Variants in VPS13B observed in about 807,000 individuals in gnomAD.
VPS13B encodes the protein vacuolar protein sorting 13 homolog B.
Under a neutral mutation model 426.4 loss-of-function variants are expected in VPS13B, and 285 were observed. The observed-to-expected ratio is 0.67, with a 90% CI of 0.61 to 0.74. The LOEUF (loss-of-function observed/expected upper bound fraction) is 0.74. VPS13B is among the 30% of genes least tolerant of loss of function. The pLI is 0.00. For synonymous variants in VPS13B, 1,676 were observed against 1,676.4 expected, an observed-to-expected ratio of 1.00 and a Z score of 0.01; for missense variants, 4,537 against 4,782.6, an observed-to-expected ratio of 0.95 and a Z score of 1.51.
intron 19 of VPS13B, among the ~76,000 whole-genome samples, chr8:99,281,498 A>G (rs1819168414): frequency 6.6e-6 from 1 of 152,232 alleles, no homozygotes; most frequent in African/African-American, 2.4e-5. Flanking sequence ...GTTATAAAAC[A>G]TTTGGTTCCT....
At chr8:99,141,372 A>T (rs904127884) in intron 12 of VPS13B, among the ~76,000 whole-genome samples, 1 of 152,190 alleles carries the variant, frequency 6.6e-6, no homozygotes, top group African/African-American at 2.4e-5. Flanking sequence ...GAGTCTTGTT[A>T]TACAGTGACA....
chr8:99,622,423 A>G (rs557874625), intron 33 of VPS13B, among the ~76,000 whole-genome samples: 1 of 152,308 alleles, frequency 6.6e-6, no homozygotes, highest in South Asian at 2.1e-4. Context: ...TGGTAAGTGG[A>G]AAGCAAGCAG....
chr8:99,399,694 A>T (rs1273343323), intron 21 of VPS13B, among the ~76,000 whole-genome samples: 4 of 152,166 alleles, frequency 2.6e-5, no homozygotes, highest in Non-Finnish European at 5.9e-5. Context: ...TTGCATTGCT[A>T]GTGTTCATAT....
chr8:99,431,690 G>T, intron 22 of VPS13B, 26 bp downstream of exon 22: 1 of 1,601,642 alleles, frequency 6.2e-7, no homozygotes, highest in Non-Finnish European at 8.5e-7. Flanking sequence ...GAAATATTAT[G>T]GATATAATTT....
At chr8:99,367,674 G>A (rs1812964624) in intron 19 of VPS13B, among the ~76,000 whole-genome samples, 1 of 152,128 alleles carries the variant, frequency 6.6e-6, no homozygotes, top group African/African-American at 2.4e-5. Flanking sequence ...GTAGATAGAT[G>A]TGCTTTACTC....
intron 21 of VPS13B, among the ~76,000 whole-genome samples, chr8:99,427,660 T>C (rs1207032616): frequency 6.6e-6 from 1 of 151,988 alleles, no homozygotes; most frequent in East Asian, 1.9e-4. Context: ...TGGAAGAACA[T>C]TCCATGCTCA....
intron 19 of VPS13B, chr8:99,347,388 C>G (rs1321380327): frequency 2.9e-5 from 5 of 173,732 alleles, no homozygotes; most frequent in African/African-American, 9.5e-5. Context: ...TAATGGCAAT[C>G]AGGGTCAGGT....
chr8:99,276,948 A>T (rs986848305), intron 19 of VPS13B, among the ~76,000 whole-genome samples: 15 of 152,130 alleles, frequency 9.9e-5, no homozygotes, highest in Non-Finnish European at 1.8e-4. Context: ...ATGAAAATAA[A>T]TTAATAAGTT....
At chr8:99,127,979 G>A (rs903628376) in intron 8 of VPS13B, among the ~76,000 whole-genome samples, 1 of 152,066 alleles carries the variant, frequency 6.6e-6, no homozygotes, top group African/African-American at 2.4e-5. Context: ...TGTATATGAA[G>A]AACATCTAGC....
chr8:99,077,587 A>C (rs1008328724), intron 3 of VPS13B, among the ~76,000 whole-genome samples: 1 of 152,166 alleles, frequency 6.6e-6, no homozygotes, highest in African/African-American at 2.4e-5. Context: ...GTTTCTGCTT[A>C]GAATTGTGAT....
At chr8:99,029,113 G>A (rs1280042541) in intron 2 of VPS13B, among the ~76,000 whole-genome samples, 2 of 150,892 alleles carry the variant, frequency 1.3e-5, no homozygotes, top group Non-Finnish European at 3.0e-5. Context: ...TTGCGGCCGG[G>A]CAGAGGCGCT....
chr8:99,265,152 C>G (rs976956731), intron 17 of VPS13B, among the ~76,000 whole-genome samples: 1 of 152,018 alleles, frequency 6.6e-6, no homozygotes, highest in Non-Finnish European at 1.5e-5. Context: ...CTGGCTTTGT[C>G]TGTTTACCCC....
intron 36 of VPS13B, among the ~76,000 whole-genome samples, chr8:99,708,427 A>G (rs984164981): frequency 6.6e-6 from 1 of 152,104 alleles, no homozygotes; most frequent in Admixed American, 6.6e-5. Context: ...TTCTTCTTTC[A>G]TGACAAATTC....
intron 19 of VPS13B, chr8:99,341,644 A>AG (rs1175079793): frequency 3.7e-6 from 1 of 271,548 alleles, no homozygotes; most frequent in Non-Finnish European, 7.6e-6. Context: ...CCTGTATTAC[A>AG]GTGTACGTGA....
intron 54 of VPS13B, among the ~76,000 whole-genome samples, chr8:99,839,654 C>T (rs541538063): frequency 8.9e-4 from 136 of 152,328 alleles, no homozygotes; most frequent in Non-Finnish European, 1.6e-3. Context: ...GCTCAAGCCA[C>T]TGTCTGTCCT....
At chr8:99,479,234 C>T (rs1379147336) in intron 24 of VPS13B, among the ~76,000 whole-genome samples, 3 of 152,076 alleles carry the variant, frequency 2.0e-5, no homozygotes, top group Admixed American at 6.5e-5. Flanking sequence ...AGGAATATAC[C>T]TTGAGGCTTT....
intron 30 of VPS13B, among the ~76,000 whole-genome samples, chr8:99,539,498 C>A (rs1232324742): frequency 1.3e-5 from 2 of 152,144 alleles, no homozygotes; most frequent in Non-Finnish European, 2.9e-5. Context: ...GTAATTCCAG[C>A]ATTTTGGGAG....
intron 52 of VPS13B, among the ~76,000 whole-genome samples, chr8:99,834,647 C>T (rs1275276286): frequency 6.6e-6 from 1 of 152,176 alleles, no homozygotes; most frequent in African/African-American, 2.4e-5. Flanking sequence ...AGCCAACCTC[C>T]CAGGCTCCAG....
rs539416934 is a variant in VPS13B, at chr8:99,873,354, C to T, written c.11745+1657C>T. ...GAGATAGTATCTGGAGTCACCACTC[C>T]TAAAAGTTGCTGAGATTATTGGGAT... On this transcript the variant is annotated intron_variant, in intron 61 of 61. Transcript: ENST00000357162. 13 of 152,242 alleles carry T rather than the reference C, an allele frequency of 8.5e-5. No individual in the cohort carries two copies. The East Asian group carries it at 2.3e-3, about 27-fold the overall frequency. The allele number at this position is 152,242 out of a possible 1,614,324, so 9.4% of individuals were successfully genotyped here.
Sources: allele counts gnomAD v4.1 joint callset (sites outside exome capture counted in the v4.1 genomes callset), GRCh38; gene constraint gnomAD v4.1.1; transcripts MANE v1.5; gene names NCBI Gene and HGNC (gene_info 2026-07-23, HGNC 2026-07-21).